The following NTRK3 variants were observed in gnomAD, a reference collection of about 807,000 sequenced individuals.
NTRK3 encodes NT-3 growth factor receptor.
NTRK3 carries 24 observed loss-of-function variants against 91.7 expected under a neutral mutation model. The ratio of observed to expected loss-of-function variants is 0.26; its 90% CI spans 0.19 to 0.37. The LOEUF (loss-of-function observed/expected upper bound fraction) is 0.37. Among genes scored for constraint, NTRK3 ranks in the 10% least tolerant of loss-of-function variants. The pLI is 1.00. For synonymous variants in NTRK3, 483 were observed against 404.0 expected, an observed-to-expected ratio of 1.20 and a Z score of -2.34; for missense variants, 880 against 1,068.9, an observed-to-expected ratio of 0.82 and a Z score of 2.46.
At chr15:87,980,063 G>C (rs1245911786) in intron 14 of NTRK3, among the ~76,000 whole-genome samples, 1 of 152,218 alleles carries the variant, frequency 6.6e-6, no homozygotes, top group Non-Finnish European at 1.5e-5. Context: ...AAGGTTTAGA[G>C]AGTAACGGCT....
chr15:87,891,911 G>A (rs530464363), intron 17 of NTRK3, among the ~76,000 whole-genome samples: 14 of 152,270 alleles, frequency 9.2e-5, no homozygotes, highest in Admixed American at 7.8e-4. Flanking sequence ...CAGTGTCCAT[G>A]CAAGAGGTTT....
intron 13 of NTRK3, among the ~76,000 whole-genome samples, chr15:88,057,470 C>T (rs560513664): frequency 4.8e-4 from 72 of 151,354 alleles, no homozygotes; most frequent in African/African-American, 1.7e-3. Context: ...TGCACTCCAG[C>T]CTGGGAGACA....
At chr15:88,115,870 C>T (rs1339033686) in intron 13 of NTRK3, among the ~76,000 whole-genome samples, 3 of 152,088 alleles carry the variant, frequency 2.0e-5, no homozygotes, top group Admixed American at 6.5e-5. Flanking sequence ...CTCCGCCCAC[C>T]GACAGACCCA....
chr15:88,042,955 G>A (rs2079796341), intron 13 of NTRK3, among the ~76,000 whole-genome samples: 1 of 152,188 alleles, frequency 6.6e-6, no homozygotes, highest in Non-Finnish European at 1.5e-5. Context: ...TCTAACAACA[G>A]GACAAGTCAG....
At chr15:88,091,575 G>A (rs944050518) in intron 13 of NTRK3, among the ~76,000 whole-genome samples, 8 of 152,116 alleles carry the variant, frequency 5.3e-5, no homozygotes, top group African/African-American at 1.9e-4. Flanking sequence ...AGGGTAGGGA[G>A]ATCACACACA....
intron 13 of NTRK3, among the ~76,000 whole-genome samples, chr15:88,095,174 C>T (rs1444697245): frequency 1.3e-5 from 2 of 152,200 alleles, no homozygotes; most frequent in East Asian, 3.9e-4. Flanking sequence ...TGACTGCCTT[C>T]AAGTCAATGG....
intron 3 of NTRK3, among the ~76,000 whole-genome samples, chr15:88,227,611 A>G (rs925334832): frequency 4.6e-5 from 7 of 152,162 alleles, no homozygotes; most frequent in African/African-American, 1.7e-4. Context: ...TGGCTCCTTG[A>G]TGTTGGACTT....
chr15:88,218,008 C>T (rs573133421), intron 3 of NTRK3, among the ~76,000 whole-genome samples: 2 of 152,218 alleles, frequency 1.3e-5, no homozygotes, highest in East Asian at 1.9e-4. Flanking sequence ...CTCCAGGCCG[C>T]CTCTGGGGGT....
At chr15:88,196,623 CA>C (rs2047845765) in intron 3 of NTRK3, among the ~76,000 whole-genome samples, 1 of 152,248 alleles carries the variant, frequency 6.6e-6, no homozygotes, top group East Asian at 1.9e-4. Flanking sequence ...GGAGCTGGAG[CA>C]GTAGCCTTCC....
chr15:87,884,652 A>G (rs897805738), intron 17 of NTRK3, among the ~76,000 whole-genome samples: 1 of 151,806 alleles, frequency 6.6e-6, no homozygotes, highest in African/African-American at 2.4e-5. Flanking sequence ...CATATTATAT[A>G]TAGCTCAATA....
At chr15:88,063,523 C>T (rs2046392355) in intron 13 of NTRK3, among the ~76,000 whole-genome samples, 1 of 152,190 alleles carries the variant, frequency 6.6e-6, no homozygotes, top group African/African-American at 2.4e-5. Flanking sequence ...GATCGCAGAG[C>T]CCTGGCTGGT....
chr15:88,002,592 C>T (rs539821823), intron 14 of NTRK3, among the ~76,000 whole-genome samples: 1 of 147,354 alleles, frequency 6.8e-6, no homozygotes, highest in East Asian at 2.0e-4. Flanking sequence ...AACAAAGCAA[C>T]AAACAAAGGT....
intron 3 of NTRK3, among the ~76,000 whole-genome samples, chr15:88,187,815 T>A (rs754477048): frequency 5.3e-5 from 8 of 151,184 alleles, no homozygotes; most frequent in Non-Finnish European, 1.0e-4. Context: ...GCGCCTGTAA[T>A]CCCAACTACT....
intron 13 of NTRK3, among the ~76,000 whole-genome samples, chr15:88,058,829 T>C (rs540022261): frequency 6.6e-6 from 1 of 152,282 alleles, no homozygotes; most frequent in South Asian, 2.1e-4. Flanking sequence ...GGGATGATGA[T>C]GATGATAATT....
intron 15 of NTRK3, among the ~76,000 whole-genome samples, chr15:87,937,057 GCTC>G (rs2069360569): frequency 6.6e-6 from 1 of 152,094 alleles, no homozygotes; most frequent in African/African-American, 2.4e-5. Context: ...CAGGGCCTTT[GCTC>G]CTCCTTTTGC....
intron 3 of NTRK3, among the ~76,000 whole-genome samples, chr15:88,249,127 C>T (rs1476728774): frequency 6.6e-6 from 1 of 152,134 alleles, no homozygotes; most frequent in African/African-American, 2.4e-5. Flanking sequence ...TCTCCCACCA[C>T]CCAGACTCTG....
chr15:88,256,100 C>G, exon 3 of NTRK3: 1 of 1,610,194 alleles, frequency 6.2e-7, no homozygotes, highest in East Asian at 2.2e-5. Flanking sequence ...AGACGCTTCC[C>G]AGCAAGAAAA....
exon 19 of NTRK3, chr15:87,872,487 T>G: frequency 4.4e-6 from 1 of 227,856 alleles, no homozygotes; most frequent in East Asian, 6.3e-5. Context: ...TGATTTCCAG[T>G]GGCCTGCATG....
At chr15:88,123,494 C>T (rs2052957116) in intron 13 of NTRK3, among the ~76,000 whole-genome samples, 1 of 152,162 alleles carries the variant, frequency 6.6e-6, no homozygotes, top group Non-Finnish European at 1.5e-5. Context: ...GAGGCATTTG[C>T]TTATGTCAAA....
Sources: allele counts gnomAD v4.1 joint callset (sites outside exome capture counted in the v4.1 genomes callset), GRCh38; gene constraint gnomAD v4.1.1; transcripts MANE v1.5; gene names NCBI Gene and HGNC (gene_info 2026-07-23, HGNC 2026-07-21).